The following ADGRL3 variants were observed in gnomAD, a reference collection of about 807,000 sequenced individuals.
The protein encoded by ADGRL3 is adhesion G protein-coupled receptor L3.
Under a neutral mutation model 153.5 loss-of-function variants are expected in ADGRL3, and 62 were observed. That is an observed-to-expected ratio of 0.40 (90% confidence interval 0.33 to 0.50). The LOEUF is 0.50. ADGRL3 is among the 20% of genes least tolerant of loss of function. The pLI, the probability that ADGRL3 is intolerant of heterozygous loss-of-function variation, is 0.47. For missense variants in ADGRL3, 1,641 were observed against 1,859.4 expected (o/e 0.88, Z 2.16); for synonymous variants, 710 against 672.5 (o/e 1.06, Z -0.86).
intron 5 of ADGRL3, among the ~76,000 whole-genome samples, chr4:61,665,026 G>A (rs1170149886): frequency 6.6e-6 from 1 of 152,182 alleles, no homozygotes; most frequent in Non-Finnish European, 1.5e-5. Context: ...GCATAAATAT[G>A]TTGTCATGCC....
intron 2 of ADGRL3, among the ~76,000 whole-genome samples, chr4:61,487,913 C>A (rs1206872004): frequency 6.6e-6 from 1 of 151,932 alleles, no homozygotes; most frequent in Non-Finnish European, 1.5e-5. Context: ...TATTTATTTA[C>A]ACCTTTAGTT....
intron 6 of ADGRL3, among the ~76,000 whole-genome samples, chr4:61,701,324 G>T (rs1224075232): frequency 6.6e-6 from 1 of 151,858 alleles, no homozygotes; most frequent in African/African-American, 2.4e-5. Context: ...TAGGTTATAT[G>T]GAATATCAGC....
intron 5 of ADGRL3, among the ~76,000 whole-genome samples, chr4:61,647,532 A>G (rs904216361): frequency 2.6e-5 from 4 of 151,908 alleles, no homozygotes; most frequent in African/African-American, 7.3e-5. Flanking sequence ...GGGAAAAAGT[A>G]TTTTCTTTTG....
At chr4:61,558,495 T>C (rs2098779077) in intron 4 of ADGRL3, among the ~76,000 whole-genome samples, 1 of 151,924 alleles carries the variant, frequency 6.6e-6, no homozygotes, top group Non-Finnish European at 1.5e-5. Flanking sequence ...AAAATAGATC[T>C]CTTTCTCTTT....
intron 1 of ADGRL3, among the ~76,000 whole-genome samples, chr4:61,347,995 T>A (rs1246152023): frequency 6.6e-6 from 1 of 152,102 alleles, no homozygotes; most frequent in Admixed American, 6.6e-5. Flanking sequence ...TTGTTCATCA[T>A]TTATTAAAGG....
chr4:61,612,892 T>C (rs1271150320), intron 5 of ADGRL3, among the ~76,000 whole-genome samples: 5 of 152,146 alleles, frequency 3.3e-5, no homozygotes, highest in African/African-American at 1.2e-4. Flanking sequence ...CCCCAGGGCA[T>C]AACTGGGAGC....
chr4:61,678,073 A>C (rs570831419), intron 6 of ADGRL3, among the ~76,000 whole-genome samples: 3 of 152,076 alleles, frequency 2.0e-5, no homozygotes, highest in Non-Finnish European at 4.4e-5. Context: ...TTGATATCTC[A>C]TTTAGGTTAT....
chr4:61,370,620 TAC>T (rs1367400185), intron 1 of ADGRL3, among the ~76,000 whole-genome samples: 2 of 152,010 alleles, frequency 1.3e-5, no homozygotes, highest in Non-Finnish European at 2.9e-5. Flanking sequence ...TCTGTTCTTT[TAC>T]ATTTGCTGAG....
chr4:61,801,298 A>C (rs1356280577), intron 8 of ADGRL3, among the ~76,000 whole-genome samples: 6 of 152,062 alleles, frequency 3.9e-5, no homozygotes, highest in African/African-American at 1.4e-4. Context: ...ATATTAATAC[A>C]ATTTCTAGGA....
At chr4:61,268,501 G>A (rs936581667) in intron 1 of ADGRL3, among the ~76,000 whole-genome samples, 3 of 151,424 alleles carry the variant, frequency 2.0e-5, no homozygotes, top group African/African-American at 7.3e-5. Context: ...TTGGGCCTCA[G>A]CCATTTATTT....
At chr4:61,398,081 G>A (rs2096888931) in intron 2 of ADGRL3, among the ~76,000 whole-genome samples, 1 of 151,790 alleles carries the variant, frequency 6.6e-6, no homozygotes. Context: ...GTTTTGATGT[G>A]TTTTACTTTA....
intron 2 of ADGRL3, among the ~76,000 whole-genome samples, chr4:61,466,056 A>G (rs1166962786): frequency 6.6e-6 from 1 of 151,868 alleles, no homozygotes; most frequent in Non-Finnish European, 1.5e-5. Flanking sequence ...CGGGAGGCGG[A>G]TGTTGCAGTG....
chr4:61,965,450 G>A (rs2099002803), intron 17 of ADGRL3, among the ~76,000 whole-genome samples: 2 of 151,994 alleles, frequency 1.3e-5, no homozygotes, highest in South Asian at 4.2e-4. Flanking sequence ...GTATAAACAA[G>A]ATTTTAAAAG....
At chr4:61,737,672 C>G (rs2096535221) in intron 8 of ADGRL3, among the ~76,000 whole-genome samples, 1 of 152,174 alleles carries the variant, frequency 6.6e-6, no homozygotes, top group African/African-American at 2.4e-5. Flanking sequence ...AGTAACCCTA[C>G]AAGGACCATT....
At chr4:61,630,863 T>C (rs1350953847) in intron 5 of ADGRL3, among the ~76,000 whole-genome samples, 3 of 152,220 alleles carry the variant, frequency 2.0e-5, no homozygotes, top group Non-Finnish European at 4.4e-5. Context: ...ATTTAGAAGA[T>C]ACCATAGCAG....
intron 2 of ADGRL3, among the ~76,000 whole-genome samples, chr4:61,438,871 C>T (rs944254744): frequency 6.6e-6 from 1 of 151,856 alleles, no homozygotes; most frequent in Non-Finnish European, 1.5e-5. Context: ...CCACGCCCGG[C>T]TAATTTTTTG....
chr4:61,427,777 C>T (rs1045444179), intron 2 of ADGRL3: 4 of 152,722 alleles, frequency 2.6e-5, no homozygotes, highest in Non-Finnish European at 5.9e-5. Flanking sequence ...ATGTCCGGAT[C>T]TCCAGGCGCT....
chr4:61,537,574 T>A (rs1322285540), intron 4 of ADGRL3, among the ~76,000 whole-genome samples: 1 of 152,124 alleles, frequency 6.6e-6, no homozygotes, highest in Non-Finnish European at 1.5e-5. Context: ...ATTAAAAAAA[T>A]CTTTATTTTT....
rs979600461 is a variant in ADGRL3, at chr4:61,731,699, A to C, written c.599-1055A>C. 8.5e-5 allele frequency among the ~76,000 whole-genome samples: 13 copies of C among 152,092 alleles called. 1 individual carries two copies. The highest frequency in any genetic ancestry group is 3.1e-4 in the African/African-American group (13 of 41,422). On this transcript the variant is annotated intron_variant, in intron 7 of 26. Coordinates refer to ENST00000683033, the MANE Select transcript of ADGRL3 (RefSeq NM_001387552.1). ...AGAATCTCTGCCACAATTATATGTA[A>C]TATAACATTTCTTACACACATGTGG...
Sources: allele counts gnomAD v4.1 joint callset (sites outside exome capture counted in the v4.1 genomes callset), GRCh38; gene constraint gnomAD v4.1.1; transcripts MANE v1.5; gene names NCBI Gene and HGNC (gene_info 2026-07-23, HGNC 2026-07-21).